The following SLC7A7 variants were observed in gnomAD, a reference collection of about 807,000 sequenced individuals.
The protein encoded by SLC7A7 is solute carrier family 7 member 7, also known as Y+L amino acid transporter 1.
Under a neutral mutation model 47.9 loss-of-function variants are expected in SLC7A7, and 39 were observed. The ratio of observed to expected loss-of-function variants is 0.81; its 90% CI spans 0.63 to 1.06. The LOEUF (loss-of-function observed/expected upper bound fraction) is 1.06. SLC7A7 is among the 50% of genes least tolerant of loss of function. The probability of loss-of-function intolerance (pLI) is 0.00; values close to 1 mark genes in which losing one functional copy is unlikely to be tolerated. For synonymous variants in SLC7A7, 234 were observed against 242.8 expected, an observed-to-expected ratio of 0.96 and a Z score of 0.34; for missense variants, 588 against 632.0, an observed-to-expected ratio of 0.93 and a Z score of 0.75.
intron 2 of SLC7A7, among the ~76,000 whole-genome samples, chr14:22,785,782 G>A (rs569350913): frequency 6.6e-6 from 1 of 151,428 alleles, no homozygotes; most frequent in Admixed American, 6.6e-5. Context: ...CAGCACTTTG[G>A]GAAGCTGAGG....
intron 2 of SLC7A7, among the ~76,000 whole-genome samples, chr14:22,796,192 C>T (rs1186884031): frequency 1.3e-5 from 2 of 151,960 alleles, no homozygotes; most frequent in Non-Finnish European, 2.9e-5. Flanking sequence ...GGCAAAAGTC[C>T]GTTGGGGGGC....
intron 7 of SLC7A7, 31 bp from the exon 8 acceptor site, chr14:22,774,534 C>T: frequency 1.9e-6 from 3 of 1,614,082 alleles, no homozygotes; most frequent in South Asian, 1.1e-5. Context: ...CAGCTCTTCT[C>T]AGGGCCTTTG....
At chr14:22,786,885 G>A (rs928348075) in intron 2 of SLC7A7, among the ~76,000 whole-genome samples, 1 of 151,910 alleles carries the variant, frequency 6.6e-6, no homozygotes, top group Non-Finnish European at 1.5e-5. Flanking sequence ...GCAGGGAGCT[G>A]TGATCGCACC....
At chr14:22,792,631 C>T (rs1045711459) in intron 2 of SLC7A7, among the ~76,000 whole-genome samples, 8 of 151,966 alleles carry the variant, frequency 5.3e-5, no homozygotes, top group African/African-American at 1.5e-4. Flanking sequence ...CCGAAGTGGG[C>T]GGATCACCTG....
chr14:22,780,129 A>G, intron 2 of SLC7A7, 78 bp from the exon 3 acceptor site: 1 of 1,590,928 alleles, frequency 6.3e-7, no homozygotes, highest in Non-Finnish European at 8.6e-7. Context: ...TTTTTCCAGT[A>G]CCAGTCACCA....
At chr14:22,792,131 G>A (rs931178073) in intron 2 of SLC7A7, among the ~76,000 whole-genome samples, 23 of 150,584 alleles carry the variant, frequency 1.5e-4, no homozygotes, top group South Asian at 2.2e-4. Context: ...CACCGCGCCC[G>A]GCCTGGAAAC....
At chr14:22,793,528 A>C (rs1265499402) in intron 2 of SLC7A7, among the ~76,000 whole-genome samples, 1 of 152,076 alleles carries the variant, frequency 6.6e-6, no homozygotes, top group Non-Finnish European at 1.5e-5. Context: ...ATTATGGTTT[A>C]GGGCTGGGCA....
chr14:22,817,994 T>C (rs1180905400), upstream of SLC7A7, among the ~76,000 whole-genome samples: 9 of 151,710 alleles, frequency 5.9e-5, no homozygotes, highest in Admixed American at 3.3e-4. Flanking sequence ...GCAGTGCTGC[T>C]ATTGCTAGGG....
chr14:22,785,007 G>C (rs749703114), intron 2 of SLC7A7, among the ~76,000 whole-genome samples: 1 of 151,912 alleles, frequency 6.6e-6, no homozygotes, highest in East Asian at 1.9e-4. Context: ...AGCCAGGCGC[G>C]GTGGTTCGCG....
In SLC7A7 at chr14:22,773,684, T is replaced by TA; in HGVS notation, c.1461dup (p.Met488TyrfsTer24). 1 of 1,614,186 alleles carries TA rather than the reference T, an allele frequency of 6.2e-7. No individual in the cohort carries two copies. Among genetic ancestry groups the TA allele is most frequent in the Non-Finnish European group, 8.5e-7 (1 of 1,180,032 alleles). On this transcript the variant is annotated frameshift_variant, in exon 10 of 10. Coordinates refer to ENST00000674313, the MANE Select transcript of SLC7A7 (RefSeq NM_003982.4). LOFTEE classifies it high-confidence loss of function. ...AAATCCATTTCTGCAGCAACTGACA[T>TA]ACACAGGACCTGGAGGTACCTTGTG...
chr14:22,783,404 CTT>C (rs869031856), intron 2 of SLC7A7, among the ~76,000 whole-genome samples: 7 of 137,386 alleles, frequency 5.1e-5, no homozygotes, highest in Non-Finnish European at 6.4e-5. Flanking sequence ...TTCTCTACTT[CTT>C]TTTTTTTTTT....
intron 2 of SLC7A7, among the ~76,000 whole-genome samples, chr14:22,788,694 A>T (rs2038869183): frequency 6.8e-6 from 1 of 146,116 alleles, no homozygotes; most frequent in African/African-American, 2.6e-5. Flanking sequence ...ACAGAGTGAG[A>T]CTCTGTCTGG....
chr14:22,802,836 C>T (rs7157118), intron 2 of SLC7A7, among the ~76,000 whole-genome samples: 119,634 of 151,974 alleles, frequency 0.79, 47,761 homozygotes, highest in Non-Finnish European at 0.86. Flanking sequence ...AAAGATATAC[C>T]TTGTGTTCTA....
intron 2 of SLC7A7, among the ~76,000 whole-genome samples, chr14:22,808,251 A>G (rs536448262): frequency 6.6e-6 from 1 of 152,246 alleles, no homozygotes; most frequent in South Asian, 2.1e-4. Flanking sequence ...ATTTGTTAAC[A>G]TGTCAGTCTC....
At chr14:22,809,118 T>C (rs1016907260) in intron 2 of SLC7A7, among the ~76,000 whole-genome samples, 3 of 152,244 alleles carry the variant, frequency 2.0e-5, no homozygotes, top group African/African-American at 4.8e-5. Flanking sequence ...TGCATTTTAC[T>C]CACTGAAGAG....
chr14:22,792,867 A>AAGAGAGAGAGAGAGAGAGAGAGAGAG (rs113285148), intron 2 of SLC7A7, among the ~76,000 whole-genome samples: 37 of 122,544 alleles, frequency 3.0e-4, no homozygotes, highest in Non-Finnish European at 4.9e-4. Context: ...CAAAGAAAGA[A>AAGAGAGAGAGAGAGAGAGAGAGAGAG]AGAGAGAGAG....
At chr14:22,811,416 G>A (rs1251274340) in intron 2 of SLC7A7, among the ~76,000 whole-genome samples, 1 of 152,178 alleles carries the variant, frequency 6.6e-6, no homozygotes, top group Non-Finnish European at 1.5e-5. Flanking sequence ...TTCAAGAATA[G>A]TGGCATCTGA....
rs1160337820 is a variant in SLC7A7, at chr14:22,773,566, A to G, written c.*44T>C. ...TTCAACTTCCTTAGCTCTAGCCAGT[A>G]GACCAGAAACCCCTGCTTTCCACAT... is the stretch of plus-strand genomic sequence containing the variant. On this transcript the variant is annotated 3_prime_UTR_variant, in exon 10 of 10. Transcript: ENST00000674313. 1.3e-6 allele frequency: 2 copies of G among 1,534,168 alleles called. No homozygotes were observed. Among genetic ancestry groups the G allele is most frequent in the African/African-American group, 2.7e-5 (2 of 73,778 alleles).
At chr14:22,792,730 G>A (rs879609863) in intron 2 of SLC7A7, among the ~76,000 whole-genome samples, 5 of 151,082 alleles carry the variant, frequency 3.3e-5, no homozygotes, top group Non-Finnish European at 5.9e-5. Context: ...GGTGGCGCAC[G>A]CCTGTAATCC....
Sources: allele counts gnomAD v4.1 joint callset (sites outside exome capture counted in the v4.1 genomes callset), GRCh38; gene constraint gnomAD v4.1.1; transcripts MANE v1.5; gene names NCBI Gene and HGNC (gene_info 2026-07-23, HGNC 2026-07-21).